Variants in PAK5 observed in about 807,000 individuals in gnomAD.
The protein encoded by PAK5 is serine/threonine-protein kinase PAK 5.
A neutral mutation model predicts 65.9 loss-of-function variants in PAK5; 16 were observed. The ratio of observed to expected loss-of-function variants is 0.24; its 90% CI spans 0.16 to 0.37. PAK5 has a LOEUF of 0.37. Ranked by LOEUF, PAK5 falls within the 10% of genes least tolerant of loss-of-function variation. The pLI is 1.00. For synonymous variants in PAK5, 371 were observed against 354.9 expected (o/e 1.05, Z -0.51); for missense variants, 785 against 903.9 (o/e 0.87, Z 1.69).
chr20:9,665,085 G>GTTTTTTTTTTTTTTTTTTTTT lies in PAK5; in HGVS notation c.-11-20747_-11-20746insAAAAAAAAAAAAAAAAAAAAA, dbSNP rs754435525. ...CCACCATGCCCAGCTAAATTTTTCTGTTTTTTTTTTTTTTTGTAGTGATGA... is the reference window on the plus strand; with the variant it reads ...CCACCATGCCCAGCTAAATTTTTCTGTTTTTTTTTTTTTTTTTTTTTTTTTTTTTTTTTTTTGTAGTGATGA... On this transcript the variant is annotated intron_variant, in intron 2 of 9. Coordinates refer to ENST00000353224, the MANE Select transcript of PAK5 (RefSeq NM_177990.4). Among the ~76,000 whole-genome samples, 62 of 98,878 alleles carry GTTTTTTTTTTTTTTTTTTTTT rather than the reference G, an allele frequency of 6.3e-4. 6 individuals carry two copies. Among genetic ancestry groups the GTTTTTTTTTTTTTTTTTTTTT allele is most frequent in the African/African-American group, 1.4e-3 (35 of 24,606 alleles). 64.9% of individuals were successfully genotyped at this position (98,878 alleles called of 152,430 possible). A position where few individuals can be genotyped will look rare whatever the true frequency, so the allele number is the denominator to read the frequency against.
intron 1 of PAK5, among the ~76,000 whole-genome samples, chr20:9,757,237 A>ACT (rs79152288): frequency 0.74 from 111,736 of 151,758 alleles, 41,391 homozygotes; most frequent in East Asian, 0.89. Context: ...TGAAAAAAAA[A>ACT]CTATTACATA....
intron 1 of PAK5, among the ~76,000 whole-genome samples, chr20:9,837,997 G>A (rs191775921): frequency 4.6e-5 from 7 of 152,208 alleles, no homozygotes; most frequent in Admixed American, 3.3e-4. Flanking sequence ...CAAGAAGGGC[G>A]ATCGCGCTTA....
intron 3 of PAK5, among the ~76,000 whole-genome samples, chr20:9,628,364 T>C (rs1325487393): frequency 1.3e-5 from 2 of 152,182 alleles, no homozygotes; most frequent in East Asian, 1.9e-4. Flanking sequence ...AAGCAATACA[T>C]TGTCACTGCC....
intron 2 of PAK5, among the ~76,000 whole-genome samples, chr20:9,660,729 T>C (rs2047334056): frequency 6.6e-6 from 1 of 152,132 alleles, no homozygotes; most frequent in Non-Finnish European, 1.5e-5. Flanking sequence ...CAAAGAGTTC[T>C]AGTAAGAGTC....
At chr20:9,649,093 T>C (rs575431397) in intron 2 of PAK5, among the ~76,000 whole-genome samples, 2 of 152,218 alleles carry the variant, frequency 1.3e-5, no homozygotes, top group African/African-American at 2.4e-5. Flanking sequence ...GGTTTAGAAG[T>C]AGGCAATTCA....
chr20:9,604,699 C>T (rs2046420033), intron 3 of PAK5, among the ~76,000 whole-genome samples: 2 of 152,224 alleles, frequency 1.3e-5, no homozygotes, highest in African/African-American at 4.8e-5. Flanking sequence ...TCTGCTTTGT[C>T]CCTTTGCCAC....
chr20:9,590,569 T>C (rs1046590058), intron 3 of PAK5, among the ~76,000 whole-genome samples: 2 of 151,290 alleles, frequency 1.3e-5, no homozygotes, highest in African/African-American at 2.4e-5. Context: ...GATACACAGG[T>C]CTCATCTTTG....
At chr20:9,824,854 C>T (rs961118777) in intron 1 of PAK5, among the ~76,000 whole-genome samples, 1 of 152,112 alleles carries the variant, frequency 6.6e-6, no homozygotes, top group African/African-American at 2.4e-5. Flanking sequence ...CACAGAAGAA[C>T]ATTTTTATCT....
intron 4 of PAK5, among the ~76,000 whole-genome samples, chr20:9,572,041 A>AG (rs756507977): frequency 5.2e-4 from 74 of 141,976 alleles, no homozygotes; most frequent in Non-Finnish European, 7.8e-4. Flanking sequence ...TGTCTAGGAG[A>AG]GGGGGTGAAA....
At chr20:9,830,465 G>A (rs548943932) in intron 1 of PAK5, among the ~76,000 whole-genome samples, 1 of 152,234 alleles carries the variant, frequency 6.6e-6, no homozygotes, top group Admixed American at 6.5e-5. Context: ...CCAAGAGGCT[G>A]GTATTCATGG....
At chr20:9,723,829 C>T (rs1474786351) in intron 1 of PAK5, among the ~76,000 whole-genome samples, 4 of 152,098 alleles carry the variant, frequency 2.6e-5, no homozygotes, top group African/African-American at 4.8e-5. Context: ...AGTTGCCTGA[C>T]GATGCATGAG....
rs149977525 is a variant in PAK5 at position 9,542,714 on chromosome 20, T to C, written c.1876A>G (p.Ile626Val). 6.2e-7 allele frequency: 1 copy of C among 1,614,064 alleles called. No individual in the cohort carries two copies. Among genetic ancestry groups the C allele is most frequent in the African/African-American group, 1.3e-5 (1 of 75,040 alleles). The part of the protein sequence containing the change: ...SRLPYGTEVD[I>V]WSLGIMVIEM... ...ATCACCATGATCCCGAGGGACCAGA[T>C]GTCCACCTGTTAGGCACACCCTACT... The change falls in exon 9 of 10, where the codon ATC becomes GTC. Residue 626 changes from isoleucine to valine, a missense_variant. Around this residue, in one of 4 missense-constraint regions of PAK5, gnomAD observed 182 missense variants for 273.0 expected, o/e 0.67. Coordinates refer to ENST00000353224, the MANE Select transcript of PAK5 (RefSeq NM_177990.4).
At chr20:9,550,806 A>G (rs2045416034) in intron 7 of PAK5, among the ~76,000 whole-genome samples, 1 of 151,924 alleles carries the variant, frequency 6.6e-6, no homozygotes, top group East Asian at 1.9e-4. Context: ...ACCCCAATAC[A>G]CAGAGAGTAG....
chr20:9,762,960 G>T (rs2048716637), intron 1 of PAK5, among the ~76,000 whole-genome samples: 1 of 152,112 alleles, frequency 6.6e-6, no homozygotes, highest in East Asian at 1.9e-4. Flanking sequence ...CCTGCTATTT[G>T]CAACAACATG....
intron 2 of PAK5, among the ~76,000 whole-genome samples, chr20:9,703,497 G>C (rs2047965912): frequency 6.6e-6 from 1 of 152,172 alleles, no homozygotes; most frequent in African/African-American, 2.4e-5. Context: ...GAGGCCCTGT[G>C]TTTTGGGTTA....
intron 4 of PAK5, among the ~76,000 whole-genome samples, chr20:9,573,809 T>C (rs1263810547): frequency 6.6e-6 from 1 of 152,170 alleles, no homozygotes; most frequent in Non-Finnish European, 1.5e-5. Flanking sequence ...ACTCGGAATG[T>C]TCCGTGAAGG....
chr20:9,816,255 CA>C lies in PAK5; in HGVS notation c.-162+22506del, dbSNP rs372780236. Among the ~76,000 whole-genome samples the C allele has an allele frequency of 3.2e-3, 487 of 152,226 alleles. 6 individuals are homozygous for C. The highest frequency in any genetic ancestry group is 0.011 in the African/African-American group (459 of 41,538). ...AAAAATTAAATATTAAAATTAAATACAGGAATTACAATTGTACTAACTTCAT... is the reference window on the plus strand; with the variant it reads ...AAAAATTAAATATTAAAATTAAATACGGAATTACAATTGTACTAACTTCAT... On this transcript the variant is annotated intron_variant, in intron 1 of 9. Coordinates refer to ENST00000353224, the MANE Select transcript of PAK5 (RefSeq NM_177990.4).
intron 1 of PAK5, among the ~76,000 whole-genome samples, chr20:9,796,340 A>G (rs1810157393): frequency 6.6e-6 from 1 of 152,044 alleles, no homozygotes; most frequent in Admixed American, 6.6e-5. Flanking sequence ...TTGGGAACTA[A>G]AAGATGAAAA....
At chr20:9,689,994 G>T (rs1342837038) in intron 2 of PAK5, among the ~76,000 whole-genome samples, 1 of 152,100 alleles carries the variant, frequency 6.6e-6, no homozygotes. Context: ...ATAACAAGAT[G>T]CTGTACTCTA....
Sources: gnomAD v4.1 joint callset for allele counts (sites outside exome capture counted in the v4.1 genomes callset) on GRCh38, gnomAD v4.1.1 for gene constraint, gnomAD v4.1.1 regional missense constraint, MANE v1.5 for transcripts, NCBI Gene and HGNC (gene_info 2026-07-23, HGNC 2026-07-21) for gene names.